The following SCN11A variants were observed in gnomAD, a reference collection of about 807,000 sequenced individuals.
The protein encoded by SCN11A is sodium voltage-gated channel alpha subunit 11.
A neutral mutation model predicts 162.2 loss-of-function variants in SCN11A; 122 were observed. The ratio of observed to expected loss-of-function variants is 0.75; its 90% CI spans 0.65 to 0.87. SCN11A has a LOEUF of 0.87. Ranked by LOEUF, SCN11A falls within the 40% of genes least tolerant of loss-of-function variation. The probability of loss-of-function intolerance (pLI) is 0.00; values close to 1 mark genes in which losing one functional copy is unlikely to be tolerated. For missense variants in SCN11A, 2,015 were observed against 2,181.6 expected (o/e 0.92, Z 1.52); for synonymous variants, 758 against 751.5 (o/e 1.01, Z -0.14).
At chr3:38,980,316 C>T (rs1215892471) in intron 2 of SCN11A, among the ~76,000 whole-genome samples, 4 of 152,070 alleles carry the variant, frequency 2.6e-5, no homozygotes, top group African/African-American at 9.7e-5. Flanking sequence ...GAAAACTGCA[C>T]TCAGGGAAAA....
rs762396047 is a variant in SCN11A at position 38,854,589 on chromosome 3, CAGA to C, written c.4057-3841_4057-3839del. On this transcript the variant is annotated intron_variant, in intron 28 of 29. Transcript: ENST00000302328. ...CACCGCAGGAACGTAACAGGAAAAC[CAGA>C]AGAATTCACAGATCCTTTGAAAGAA... Among the ~76,000 whole-genome samples the C allele has an allele frequency of 5.9e-5, 9 of 152,130 alleles. No individual in the cohort carries two copies. The East Asian group carries it at 7.7e-4, about 13-fold the overall frequency.
intron 1 of SCN11A, among the ~76,000 whole-genome samples, chr3:39,040,467 C>G (rs2032022532): frequency 6.6e-6 from 1 of 152,106 alleles, no homozygotes; most frequent in Non-Finnish European, 1.5e-5. Context: ...ACACAAGAAA[C>G]ATAAGAAAAC....
chr3:38,917,051 A>G (rs1251268832), intron 11 of SCN11A, among the ~76,000 whole-genome samples: 1 of 152,236 alleles, frequency 6.6e-6, no homozygotes, highest in Non-Finnish European at 1.5e-5. Context: ...TAGAGACAAG[A>G]GCCCTATAAA....
chr3:38,953,065 T>C (rs1011625964), intron 4 of SCN11A, among the ~76,000 whole-genome samples: 12 of 152,146 alleles, frequency 7.9e-5, no homozygotes, highest in Non-Finnish European at 1.3e-4. Flanking sequence ...TTTGTTGTTG[T>C]TGTTGTTTTT....
At chr3:38,909,232 T>C (rs753687654) in intron 12 of SCN11A, 38 bp from the exon 13 acceptor site, 1 of 1,600,964 alleles carries the variant, frequency 6.2e-7, no homozygotes, top group South Asian at 1.1e-5. Flanking sequence ...TATCAAACCT[T>C]CTTCCACAGG....
At chr3:38,995,133 C>CTT (rs77655744) in intron 2 of SCN11A, among the ~76,000 whole-genome samples, 3 of 143,966 alleles carry the variant, frequency 2.1e-5, no homozygotes, top group Non-Finnish European at 4.6e-5. Context: ...AATTTAAGAA[C>CTT]TTTTTTTTTT....
chr3:38,998,499 G>A (rs1026521582), intron 2 of SCN11A, among the ~76,000 whole-genome samples: 1 of 152,146 alleles, frequency 6.6e-6, no homozygotes, highest in African/African-American at 2.4e-5. Flanking sequence ...AGTCAGTGTG[G>A]TGATTCCTCA....
chr3:38,892,039 A>G (rs1314189408), intron 19 of SCN11A, among the ~76,000 whole-genome samples: 2 of 152,256 alleles, frequency 1.3e-5, no homozygotes, highest in African/African-American at 4.8e-5. Flanking sequence ...AGCAAGAGAA[A>G]AGTGGTTCAT....
intron 2 of SCN11A, among the ~76,000 whole-genome samples, chr3:38,980,146 T>C (rs2029974645): frequency 6.6e-6 from 1 of 152,104 alleles, no homozygotes; most frequent in Non-Finnish European, 1.5e-5. Flanking sequence ...CCCTTGCTGC[T>C]GGGTGCTCGT....
intron 19 of SCN11A, among the ~76,000 whole-genome samples, chr3:38,892,664 A>T (rs2065519431): frequency 6.6e-6 from 1 of 151,924 alleles, no homozygotes. Context: ...AAGCAATAAT[A>T]AAAAAAAGTT....
At chr3:39,048,907 G>A (rs891912183) in intron 1 of SCN11A, among the ~76,000 whole-genome samples, 4 of 152,208 alleles carry the variant, frequency 2.6e-5, no homozygotes, top group Admixed American at 6.5e-5. Flanking sequence ...TAAGGACTAG[G>A]CCAACACCAG....
At position 38,848,922 on chromosome 3, in the gene SCN11A, C is replaced by T. The variant is rs539958011; in HGVS notation, c.4328-1180G>A. 5.3e-5 allele frequency among the ~76,000 whole-genome samples: 8 copies of T among 152,268 alleles called. No individual in the cohort carries two copies. The East Asian group carries it at 9.6e-4, about 18-fold the overall frequency. On this transcript the variant is annotated intron_variant, in intron 29 of 29. Transcript: ENST00000302328. The stretch of plus-strand genomic sequence containing the variant: ...GCTTGGAAAAGTACTGAGGCTAAAG[C>T]GTTGGACGGCAGAAATATTGGCAAA...
chr3:38,946,907 TCTGC>T lies in SCN11A; in HGVS notation c.268-4_268-1del. 6.4e-7 allele frequency: 1 copy of T among 1,568,682 alleles called. No individual in the cohort carries two copies. The highest frequency in any genetic ancestry group is 1.8e-5 in the Admixed American group (1 of 54,596). ...CTCTTTCTGTTTAACACCATAAATG[TCTGC>T]AAAACAAAAAAAACAATACAAGAAA... On this transcript the variant is annotated splice_acceptor_variant and splice_polypyrimidine_tract_variant and intron_variant, in intron 5 of 29. Transcript: ENST00000302328. LOFTEE classifies it high-confidence loss of function.
At chr3:38,953,073 T>G (rs76179775) in intron 4 of SCN11A, among the ~76,000 whole-genome samples, 9,574 of 152,214 alleles carry the variant, frequency 0.063, 340 homozygotes, top group Middle Eastern at 0.092. Context: ...TGTTGTTGTT[T>G]TTTTAAAGAA....
chr3:38,923,751 G>A (rs914484508), intron 9 of SCN11A, among the ~76,000 whole-genome samples: 1 of 152,148 alleles, frequency 6.6e-6, no homozygotes, highest in African/African-American at 2.4e-5. Flanking sequence ...GAGATCAGAT[G>A]TGCCAGAGAT....
At chr3:38,982,056 C>T (rs1313491161) in intron 2 of SCN11A, among the ~76,000 whole-genome samples, 2 of 151,106 alleles carry the variant, frequency 1.3e-5, no homozygotes, top group African/African-American at 4.9e-5. Context: ...AAAACAAAAA[C>T]AGACAAACAA....
chr3:38,904,155 T>A (rs1398900618), intron 15 of SCN11A, 52 bp from the exon 16 acceptor site: 1 of 1,209,458 alleles, frequency 8.3e-7, no homozygotes, highest in Non-Finnish European at 1.2e-6. Context: ...GCAATCCAGA[T>A]GCCCTTTGCC....
At chr3:38,881,308 C>T (rs1232259294) in intron 22 of SCN11A, among the ~76,000 whole-genome samples, 1 of 152,218 alleles carries the variant, frequency 6.6e-6, no homozygotes, top group Non-Finnish European at 1.5e-5. Flanking sequence ...TCTATAATCA[C>T]TCCAGCTGTC....
intron 11 of SCN11A, among the ~76,000 whole-genome samples, chr3:38,916,640 TG>T (rs937029668): frequency 6.6e-5 from 10 of 152,158 alleles, no homozygotes; most frequent in Non-Finnish European, 1.2e-4. Context: ...CCTGCTCTCT[TG>T]CCTGTCTGCC....
Sources: gnomAD v4.1 joint callset for allele counts (sites outside exome capture counted in the v4.1 genomes callset) on GRCh38, gnomAD v4.1.1 for gene constraint, MANE v1.5 for transcripts, NCBI Gene and HGNC (gene_info 2026-07-23, HGNC 2026-07-21) for gene names.